TNRC6B: variants seen among roughly 807,000 people sequenced by gnomAD.
The protein encoded by TNRC6B is trinucleotide repeat containing adaptor 6B, also known as trinucleotide repeat-containing gene 6B protein.
A neutral mutation model predicts 203.6 loss-of-function variants in TNRC6B; 52 were observed. The ratio of observed to expected loss-of-function variants is 0.26; its 90% CI spans 0.20 to 0.32. TNRC6B has a LOEUF of 0.32. Among genes scored for constraint, TNRC6B ranks in the 10% least tolerant of loss-of-function variants. The probability of loss-of-function intolerance (pLI) is 1.00; values close to 1 mark genes in which losing one functional copy is unlikely to be tolerated. For missense variants in TNRC6B, 1,923 were observed against 2,286.2 expected, an observed-to-expected ratio of 0.84 and a Z score of 3.24; for synonymous variants, 838 against 845.7, an observed-to-expected ratio of 0.99 and a Z score of 0.16.
At chr22:40,160,068 AG>A (rs1399331174) in intron 4 of TNRC6B, among the ~76,000 whole-genome samples, 1 of 152,146 alleles carries the variant, frequency 6.6e-6, no homozygotes, top group East Asian at 1.9e-4. Context: ...CTCCTGCCTC[AG>A]CCTTCCAAAG....
intron 11 of TNRC6B, among the ~76,000 whole-genome samples, chr22:40,281,616 C>T (rs2070722346): frequency 6.6e-6 from 1 of 152,018 alleles, no homozygotes. Context: ...ATGCATTTGC[C>T]ATTTTAAACA....
upstream of TNRC6B, among the ~76,000 whole-genome samples, chr22:40,175,434 T>C (rs995321042): frequency 1.9e-4 from 29 of 152,220 alleles, no homozygotes; most frequent in African/African-American, 6.8e-4. Flanking sequence ...TTTGTTCTGT[T>C]TCCAAACTTT....
intron 1 of TNRC6B, among the ~76,000 whole-genome samples, chr22:40,230,702 T>G (rs2069858192): frequency 6.6e-6 from 1 of 152,188 alleles, no homozygotes; most frequent in African/African-American, 2.4e-5. Flanking sequence ...AATCTTTTTA[T>G]TCTCTTAAAT....
rs2146528266 is a variant in TNRC6B at position 40,285,674 on chromosome 22, C to T, written c.3612C>T (p.Ser1204=). The T allele has an allele frequency of 6.2e-7, 1 of 1,613,776 alleles. No individual in the cohort carries two copies. The highest frequency in any genetic ancestry group is 2.2e-5 in the East Asian group (1 of 44,864). ...GTAGTCATGGTTTGTTTGGAAACAG[C>T]ACAGCACAATCGAGAGGTCTGCACA... ...QGGSHGLFGN[S]TAQSRGLHTP... The change falls in exon 12 of 23, where the codon AGC becomes AGT. Residue 1204 remains serine (S), a synonymous_variant. Transcript: ENST00000454349.
intron 3 of TNRC6B, among the ~76,000 whole-genome samples, chr22:40,140,760 A>C (rs1407829905): frequency 1.3e-5 from 2 of 151,140 alleles, no homozygotes; most frequent in African/African-American, 2.4e-5. Flanking sequence ...CCTGCCTCAA[A>C]CTCCCAAGAA....
chr22:40,184,010 A>T (rs1226385979), intron 1 of TNRC6B, among the ~76,000 whole-genome samples: 2 of 152,166 alleles, frequency 1.3e-5, no homozygotes, highest in Non-Finnish European at 2.9e-5. Flanking sequence ...TTTTGACTCA[A>T]TGGGCAAAAT....
chr22:40,155,462 T>C (rs576619531), intron 3 of TNRC6B, among the ~76,000 whole-genome samples: 2 of 152,286 alleles, frequency 1.3e-5, no homozygotes, highest in African/African-American at 4.8e-5. Flanking sequence ...CTAATTTTTG[T>C]ATTTTTAGTA....
At chr22:40,225,829 T>C (rs935020133) in intron 1 of TNRC6B, among the ~76,000 whole-genome samples, 19 of 148,792 alleles carry the variant, frequency 1.3e-4, no homozygotes, top group African/African-American at 4.5e-4. Flanking sequence ...ATTACAGGGG[T>C]AGATCATTCA....
intron 1 of TNRC6B, among the ~76,000 whole-genome samples, chr22:40,182,251 AAAAG>A (rs766658774): frequency 4.6e-5 from 7 of 150,948 alleles, no homozygotes; most frequent in Non-Finnish European, 8.8e-5. Context: ...TCTCAAAAAA[AAAAG>A]AAAAGAAAAG....
chr22:40,149,058 A>G (rs983330595), intron 3 of TNRC6B, among the ~76,000 whole-genome samples: 2 of 152,244 alleles, frequency 1.3e-5, no homozygotes, highest in Non-Finnish European at 1.5e-5. Context: ...TATTTACTCA[A>G]TAAAAAAGAA....
intron 1 of TNRC6B, among the ~76,000 whole-genome samples, chr22:40,229,453 T>A (rs2069837132): frequency 6.6e-6 from 1 of 152,138 alleles, no homozygotes; most frequent in Admixed American, 6.5e-5. Context: ...GGCTTTTTTT[T>A]TTTTCTCTCT....
intron 1 of TNRC6B, among the ~76,000 whole-genome samples, chr22:40,055,527 A>C (rs893775622): frequency 6.6e-6 from 1 of 152,198 alleles, no homozygotes; most frequent in Non-Finnish European, 1.5e-5. Context: ...CTCTTACTCC[A>C]CTGCAGTTTA....
chr22:40,272,997 C>A (rs1199665855), intron 6 of TNRC6B, among the ~76,000 whole-genome samples: 1 of 152,180 alleles, frequency 6.6e-6, no homozygotes, highest in Non-Finnish European at 1.5e-5. Flanking sequence ...TATCATACCT[C>A]GTATTTATAG....
intron 1 of TNRC6B, chr22:40,107,045 C>T: frequency 1.1e-6 from 1 of 936,626 alleles, no homozygotes; most frequent in Non-Finnish European, 1.7e-6. Context: ...CCTTCTTCTT[C>T]TTCTTTTCTA....
rs867195383 is a variant in TNRC6B at position 40,187,863 on chromosome 22, G to A, written c.5+9723G>A. Among the ~76,000 whole-genome samples the A allele has an allele frequency of 1.8e-4, 28 of 152,296 alleles. 1 individual carries two copies. In the South Asian group the frequency reaches 5.8e-3, roughly 32 times the overall value. On this transcript the variant is annotated intron_variant, in intron 1 of 22. Coordinates refer to ENST00000454349, the MANE Select transcript of TNRC6B (RefSeq NM_001162501.2). ...AAGATTTTCATTTAATTATCTCATT[G>A]ATTGAGACTGCTTTGCAGCTGTTAA...
Position 40,170,609 on chromosome 22 carries a change from T to TATTATATATATAG in TNRC6B, c.113+14429_113+14430insTATATATATAGAT, listed in dbSNP as rs1555886863. On this transcript the variant is annotated intron_variant, in intron 4 of 23. Transcript: ENST00000301923. Reference sequence around the variant, plus strand: ...ATATATATTATATATAGTTTATATATATCCTATACATACATATATGAACAT... The same window carrying TATTATATATATAG: ...ATATATATTATATATAGTTTATATATATTATATATATAGATCCTATACATACATATATGAACAT... Among the ~76,000 whole-genome samples, 451 of 67,142 alleles carry TATTATATATATAG rather than the reference T, an allele frequency of 6.7e-3. 87 individuals carry two copies. The highest frequency in any genetic ancestry group is 8.0e-3 in the Non-Finnish European group (300 of 37,496). 44.0% of individuals were successfully genotyped at this position (67,142 alleles called of 152,430 possible).
chr22:40,202,356 A>G (rs556224061), intron 1 of TNRC6B, among the ~76,000 whole-genome samples: 36 of 150,878 alleles, frequency 2.4e-4, no homozygotes, highest in African/African-American at 7.8e-4. Flanking sequence ...TACTTTTCAC[A>G]TTTGAAAGAA....
In TNRC6B at chr22:40,132,948, A is replaced by ATAAAAAAT. The variant is rs1393420363; in HGVS notation, c.45+7086_45+7087insTAAAAAAT. 3.0e-3 allele frequency among the ~76,000 whole-genome samples: 265 copies of ATAAAAAAT among 89,558 alleles called. 14 individuals are homozygous for ATAAAAAAT. The highest frequency in any genetic ancestry group is 4.2e-3 in the South Asian group (9 of 2,126). 58.8% of individuals were successfully genotyped at this position (89,558 alleles called of 152,430 possible). Reference sequence around the variant, plus strand: ...GACAGAGCAAGACTCTGTCTCAAAAAAAAAAAAAAAAAAAAAAAAAAATAT... The same window carrying ATAAAAAAT: ...GACAGAGCAAGACTCTGTCTCAAAAATAAAAAATAAAAAAAAAAAAAAAAAAAAAATAT... On this transcript the variant is annotated intron_variant, in intron 3 of 23. Coordinates refer to the TNRC6B transcript ENST00000301923.
At chr22:40,154,324 C>T (rs1254133231) in intron 3 of TNRC6B, among the ~76,000 whole-genome samples, 4 of 151,500 alleles carry the variant, frequency 2.6e-5, no homozygotes, top group South Asian at 4.2e-4. Flanking sequence ...ATCAGCTGGG[C>T]GTGGTGGCAG....
Sources: gnomAD v4.1 joint callset for allele counts (sites outside exome capture counted in the v4.1 genomes callset) on GRCh38, gnomAD v4.1.1 for gene constraint, MANE v1.5 for transcripts, NCBI Gene and HGNC (gene_info 2026-07-23, HGNC 2026-07-21) for gene names.